SLC7A14: variants seen among roughly 807,000 people sequenced by gnomAD.
SLC7A14 encodes gamma-aminobutyric acid transporter SLC7A14.
In SLC7A14, 37 loss-of-function variants were observed where a neutral mutation model predicts 60.2. The observed-to-expected ratio is 0.61, with a 90% confidence interval of 0.47 to 0.81. The LOEUF is 0.81. Ranked by LOEUF, SLC7A14 falls within the 30% of genes least tolerant of loss-of-function variation. The probability of loss-of-function intolerance (pLI) is 0.00; values close to 1 mark genes in which losing one functional copy is unlikely to be tolerated. For synonymous variants in SLC7A14, 399 were observed against 395.8 expected, an observed-to-expected ratio of 1.01 and a Z score of -0.10; for missense variants, 886 against 982.7, an observed-to-expected ratio of 0.90 and a Z score of 1.32.
intron 2 of SLC7A14, among the ~76,000 whole-genome samples, chr3:170,523,531 C>T (rs536544615): frequency 3.3e-5 from 5 of 152,320 alleles, no homozygotes; most frequent in African/African-American, 9.6e-5. Flanking sequence ...TGAAAACACT[C>T]TTAACCCCAT....
intron 1 of SLC7A14, among the ~76,000 whole-genome samples, chr3:170,528,613 G>A (rs1353774970): frequency 6.6e-6 from 1 of 152,122 alleles, no homozygotes; most frequent in East Asian, 1.9e-4. Context: ...CACAGGTTTG[G>A]GTGACAGCCT....
chr3:170,575,289 A>G (rs1322063084), intron 1 of SLC7A14, among the ~76,000 whole-genome samples: 4 of 152,212 alleles, frequency 2.6e-5, no homozygotes, highest in African/African-American at 9.6e-5. Flanking sequence ...CATGAACAGC[A>G]TATTATTTAC....
chr3:170,565,197 A>T (rs1204479663), intron 1 of SLC7A14, among the ~76,000 whole-genome samples: 2 of 152,102 alleles, frequency 1.3e-5, no homozygotes, highest in African/African-American at 4.8e-5. Flanking sequence ...GGTGGGGTAG[A>T]GTAGGGTAGC....
intron 2 of SLC7A14, among the ~76,000 whole-genome samples, chr3:170,518,884 T>A (rs1252147385): frequency 6.6e-6 from 1 of 152,134 alleles, no homozygotes; most frequent in East Asian, 1.9e-4. Flanking sequence ...TGGTGGATGT[T>A]CCCTAAAGGC....
intron 1 of SLC7A14, among the ~76,000 whole-genome samples, chr3:170,577,597 C>T (rs924553522): frequency 1.9e-4 from 27 of 142,460 alleles, no homozygotes. Context: ...CGCAGTCCGG[C>T]CTGGGCGACA....
intron 1 of SLC7A14, among the ~76,000 whole-genome samples, chr3:170,528,982 G>A (rs1270377214): frequency 1.3e-5 from 2 of 152,234 alleles, no homozygotes; most frequent in Non-Finnish European, 2.9e-5. Context: ...CAAAGACATA[G>A]TCCCTGCTCC....
intron 1 of SLC7A14, among the ~76,000 whole-genome samples, chr3:170,565,559 C>T (rs560683672): frequency 6.6e-6 from 1 of 152,302 alleles, no homozygotes; most frequent in South Asian, 2.1e-4. Context: ...CTTGATGGGT[C>T]TGTAGACAGC....
intron 2 of SLC7A14, among the ~76,000 whole-genome samples, chr3:170,509,914 A>G (rs191137582): frequency 1.3e-5 from 2 of 151,988 alleles, no homozygotes; most frequent in Admixed American, 6.6e-5. Context: ...CCCTGTCTCT[A>G]TTAAAAATAC....
chr3:170,515,294 CAG>C (rs1462324694), intron 2 of SLC7A14, among the ~76,000 whole-genome samples: 12 of 145,422 alleles, frequency 8.3e-5, no homozygotes, highest in Non-Finnish European at 1.6e-4. Flanking sequence ...TCCTGGGCGA[CAG>C]AGTGAGACTC....
At chr3:170,544,244 ACTC>A (rs949753955) in intron 1 of SLC7A14, among the ~76,000 whole-genome samples, 9 of 151,392 alleles carry the variant, frequency 5.9e-5, no homozygotes, top group Non-Finnish European at 1.3e-4. Context: ...AAAGGGGTGA[ACTC>A]CTCTCGGGAC....
rs950948139 is a variant in SLC7A14 at position 170,461,330 on chromosome 3, A to G, written c.*5725T>C. ...GGTTCTAAGTCCTAAAAAAAAGAAC[A>G]CTCTATTTTCTTAGAGAAGTAATTT... On this transcript the variant is annotated 3_prime_UTR_variant, in exon 8 of 8. Coordinates refer to ENST00000231706, the MANE Select transcript of SLC7A14 (RefSeq NM_020949.3). 6.6e-6 allele frequency: 1 copy of G among 151,998 alleles called. No individual in the cohort carries two copies. The highest frequency in any genetic ancestry group is 1.5e-5 in the Non-Finnish European group (1 of 68,006). 9.4% of individuals were successfully genotyped at this position (151,998 alleles called of 1,614,324 possible).
At chr3:170,529,206 A>G (rs965448374) in intron 1 of SLC7A14, among the ~76,000 whole-genome samples, 1 of 152,250 alleles carries the variant, frequency 6.6e-6, no homozygotes, top group Non-Finnish European at 1.5e-5. Context: ...AACTTGATTT[A>G]TATTCTTTCA....
At chr3:170,572,060 C>CAAA (rs765897392) in intron 1 of SLC7A14, among the ~76,000 whole-genome samples, 61 of 80,504 alleles carry the variant, frequency 7.6e-4, no homozygotes, top group East Asian at 7.0e-3. Context: ...GACTCTGTCT[C>CAAA]AAAAAAAAAA....
chr3:170,581,868 A>G (rs1470909777), intron 1 of SLC7A14, among the ~76,000 whole-genome samples: 1 of 152,138 alleles, frequency 6.6e-6, no homozygotes, highest in Non-Finnish European at 1.5e-5. Flanking sequence ...CACCTGTACT[A>G]CTGACTCCAA....
chr3:170,501,034 C>T, intron 3 of SLC7A14, 75 bp downstream of exon 3: 1 of 1,473,010 alleles, frequency 6.8e-7, no homozygotes, highest in Non-Finnish European at 9.4e-7. Context: ...TGCCAAATTG[C>T]TTTCTGAAAG....
intron 1 of SLC7A14, among the ~76,000 whole-genome samples, chr3:170,534,671 T>C (rs146109638): frequency 1.3e-5 from 2 of 152,322 alleles, no homozygotes; most frequent in African/African-American, 4.8e-5. Context: ...TTTAAAGATA[T>C]AAATAATGAT....
At chr3:170,477,606 T>A (rs1711665564) in intron 7 of SLC7A14, among the ~76,000 whole-genome samples, 2 of 152,280 alleles carry the variant, frequency 1.3e-5, no homozygotes, top group Admixed American at 1.3e-4. Flanking sequence ...GTATCTGTAC[T>A]AGTAGTACTA....
chr3:170,484,314 A>G (rs1345492131), intron 5 of SLC7A14, among the ~76,000 whole-genome samples: 1 of 152,164 alleles, frequency 6.6e-6, no homozygotes, highest in Non-Finnish European at 1.5e-5. Context: ...CCTCTACCCT[A>G]CCACCCCTCC....
chr3:170,474,635 T>A lies in SLC7A14; in HGVS notation c.1993+5654A>T, dbSNP rs1203525916. On this transcript the variant is annotated intron_variant, in intron 7 of 7. Coordinates refer to ENST00000231706, the MANE Select transcript of SLC7A14 (RefSeq NM_020949.3). ...AAGAATTTAGTTATCAGGTCCCAAT[T>A]CATTGCTCTTTCTTTCCCTCTTCTT... Among the ~76,000 whole-genome samples the A allele has an allele frequency of 3.3e-5, 5 of 152,344 alleles. No individual in the cohort carries two copies. In the East Asian group the frequency reaches 9.6e-4, roughly 29 times the overall value.
Sources: allele counts gnomAD v4.1 joint callset (sites outside exome capture counted in the v4.1 genomes callset), GRCh38; gene constraint gnomAD v4.1.1; transcripts MANE v1.5; gene names NCBI Gene and HGNC (gene_info 2026-07-23, HGNC 2026-07-21).